Variants in CUL4A observed in about 807,000 individuals in gnomAD.
The protein encoded by CUL4A is cullin 4A, also known as cullin-4A.
In CUL4A, 16 loss-of-function variants were observed where a neutral mutation model predicts 95.5. The ratio of observed to expected loss-of-function variants is 0.17; its 90% CI spans 0.11 to 0.25. The LOEUF (loss-of-function observed/expected upper bound fraction) is 0.25. Ranked by LOEUF, CUL4A falls within the 10% of genes least tolerant of loss-of-function variation. The pLI, the probability that CUL4A is intolerant of heterozygous loss-of-function variation, is 1.00. For synonymous variants in CUL4A, 380 were observed against 353.1 expected, an observed-to-expected ratio of 1.08 and a Z score of -0.85; for missense variants, 610 against 937.0, an observed-to-expected ratio of 0.65 and a Z score of 4.56.
intron 19 of CUL4A, 92 bp downstream of exon 19, chr13:113,260,851 C>A: frequency 1.0e-6 from 1 of 983,480 alleles, no homozygotes; most frequent in Non-Finnish European, 1.5e-6. Flanking sequence ...ATCATTTGAC[C>A]TGCATTATTC....
intron 15 of CUL4A, among the ~76,000 whole-genome samples, chr13:113,250,351 T>C (rs2041963332): frequency 6.6e-6 from 1 of 151,790 alleles, no homozygotes; most frequent in Non-Finnish European, 1.5e-5. Flanking sequence ...ACTCAGGAGG[T>C]TGAGGTGGCA....
At chr13:113,216,925 G>C (rs1938489497) in intron 2 of CUL4A, among the ~76,000 whole-genome samples, 2 of 152,188 alleles carry the variant, frequency 1.3e-5, no homozygotes, top group African/African-American at 4.8e-5. Flanking sequence ...CTTGTTTTGA[G>C]AGGTTCTTAA....
In CUL4A at chr13:113,209,615, T is replaced by G. The variant is rs2040268761; in HGVS notation, c.-13T>G. The G allele has an allele frequency of 9.7e-7, 1 of 1,035,546 alleles. No individual in the cohort carries two copies. The allele number at this position is 1,035,546 out of a possible 1,614,324, so 64.1% of individuals were successfully genotyped here. On this transcript the variant is annotated 5_prime_UTR_variant, in exon 1 of 20. Transcript: ENST00000375440. ...CGGCGCTCGGGGCGGGGCGCGGCGG[T>G]TCCGGCCCAGCCATGGCGGACGAGG...
intron 5 of CUL4A, 88 bp downstream of exon 5, chr13:113,229,607 AGT>A: frequency 1.9e-6 from 2 of 1,080,108 alleles, no homozygotes; most frequent in Non-Finnish European, 2.7e-6. Context: ...AAGATGGTAA[AGT>A]GTGTGTGATT....
At chr13:113,229,035 G>A (rs1182902211) in intron 4 of CUL4A, among the ~76,000 whole-genome samples, 2 of 152,104 alleles carry the variant, frequency 1.3e-5, no homozygotes, top group Non-Finnish European at 2.9e-5. Flanking sequence ...GGCTGAGGCA[G>A]GAGAATGGTG....
chr13:113,244,272 G>T (rs2041799225), intron 11 of CUL4A, 138 bp from the exon 12 acceptor site: 2 of 655,866 alleles, frequency 3.0e-6, no homozygotes, highest in Non-Finnish European at 5.3e-6. Flanking sequence ...ACTTACCTTA[G>T]AAAATCAGAT....
chr13:113,246,359 C>G (rs2041857941), intron 15 of CUL4A, among the ~76,000 whole-genome samples: 1 of 152,280 alleles, frequency 6.6e-6, no homozygotes, highest in African/African-American at 2.4e-5. Context: ...TCTGGTTGTT[C>G]TTTCTTTCCA....
intron 2 of CUL4A, among the ~76,000 whole-genome samples, chr13:113,210,846 A>G (rs780798102): frequency 6.6e-6 from 1 of 152,252 alleles, no homozygotes; most frequent in Non-Finnish European, 1.5e-5. Context: ...ATTATAAAAA[A>G]TACAAAAAAG....
rs1024354433 is a variant in CUL4A, at chr13:113,263,402, A to G, written c.2185-85A>G. 2.5e-5 allele frequency: 14 copies of G among 554,138 alleles called. No individual in the cohort carries two copies. In the African/African-American group the frequency reaches 2.7e-4, roughly 11 times the overall value. 34.3% of individuals were successfully genotyped at this position (554,138 alleles called of 1,614,324 possible). On this transcript the variant is annotated intron_variant, in intron 19 of 19. Transcript: ENST00000375440. ...TATATATTTCTATAAGTATAGTTACATACTTCATGCATATACCCCTTGTAT... is the reference window on the plus strand; with the variant it reads ...TATATATTTCTATAAGTATAGTTACGTACTTCATGCATATACCCCTTGTAT...
intron 12 of CUL4A, 32 bp from the exon 13 acceptor site, chr13:113,244,917 T>A: frequency 6.0e-6 from 8 of 1,334,280 alleles, no homozygotes. Context: ...AACTCTCTGA[T>A]GTCTTGATTA....
Position 113,265,911 on chromosome 13 carries a change from C to T in CUL4A, c.*2329C>T, listed in dbSNP as rs911791693. 23 of 152,276 alleles carry T rather than the reference C, an allele frequency of 1.5e-4. No individual in the cohort carries two copies. The East Asian group carries it at 4.2e-3, about 28-fold the overall frequency. The allele number at this position is 152,276 out of a possible 1,614,324, so 9.4% of individuals were successfully genotyped here. A position where few individuals can be genotyped will look rare whatever the true frequency, so the allele number is the denominator to read the frequency against. ...TTGCATACCCAGGTCATCTAAGGAG[C>T]AAATGAAAATCTGTGACTGAAGAAA... On this transcript the variant is annotated 3_prime_UTR_variant, in exon 20 of 20. Coordinates refer to ENST00000375440, the MANE Select transcript of CUL4A (RefSeq NM_001008895.4).
intron 2 of CUL4A, among the ~76,000 whole-genome samples, chr13:113,211,065 T>TTGGTAGAA: frequency 6.6e-6 from 1 of 152,356 alleles, no homozygotes; most frequent in East Asian, 1.9e-4. Flanking sequence ...GGAATCTTTC[T>TTGGTAGAA]TGGTAGAATG....
intron 5 of CUL4A, among the ~76,000 whole-genome samples, chr13:113,231,628 C>A (rs2041313110): frequency 6.6e-6 from 1 of 152,186 alleles, no homozygotes; most frequent in Non-Finnish European, 1.5e-5. Context: ...GAACTAATAA[C>A]ATTTGATCCC....
At chr13:113,246,516 T>TA (rs1834553751) in intron 15 of CUL4A, among the ~76,000 whole-genome samples, 1 of 152,172 alleles carries the variant, frequency 6.6e-6, no homozygotes, top group African/African-American at 2.4e-5. Context: ...CAGCAGGAGA[T>TA]ACAATACATG....
intron 2 of CUL4A, among the ~76,000 whole-genome samples, chr13:113,216,112 G>A (rs113067910): frequency 2.1e-5 from 3 of 141,442 alleles, no homozygotes; most frequent in Non-Finnish European, 3.1e-5. Flanking sequence ...TGTGGAGGTC[G>A]CTGTGTGACT....
At chr13:113,253,239 TTAATA>T (rs1234278880) in intron 16 of CUL4A, 44 bp downstream of exon 16, 3 of 1,063,288 alleles carry the variant, frequency 2.8e-6, no homozygotes, top group Non-Finnish European at 3.9e-6. Flanking sequence ...TGTAAATATG[TTAATA>T]TAATTTTTTT....
At chr13:113,220,234 G>A (rs1476806574) in intron 3 of CUL4A, among the ~76,000 whole-genome samples, 4 of 152,244 alleles carry the variant, frequency 2.6e-5, no homozygotes, top group African/African-American at 7.2e-5. Context: ...CTGAAATGCA[G>A]GGTGAGAGGT....
chr13:113,241,624 C>T (rs2041713542), intron 10 of CUL4A, among the ~76,000 whole-genome samples: 1 of 151,564 alleles, frequency 6.6e-6, no homozygotes, highest in Non-Finnish European at 1.5e-5. Context: ...AAGCAGTTCC[C>T]TGCCTCAGCC....
chr13:113,229,546 C>CA, intron 5 of CUL4A, 27 bp downstream of exon 5: 1 of 1,587,238 alleles, frequency 6.3e-7, no homozygotes, highest in Non-Finnish European at 8.6e-7. Context: ...CGCAGAGCTG[C>CA]GTCTTCCCTG....
Sources: gnomAD v4.1 joint callset for allele counts (sites outside exome capture counted in the v4.1 genomes callset) on GRCh38, gnomAD v4.1.1 for gene constraint, MANE v1.5 for transcripts, NCBI Gene and HGNC (gene_info 2026-07-23, HGNC 2026-07-21) for gene names.